The following KLHL3 variants were observed in gnomAD, a reference collection of about 807,000 sequenced individuals.
KLHL3 encodes kelch like family member 3.
KLHL3 carries 19 observed loss-of-function variants against 70.5 expected under a neutral mutation model. The observed-to-expected ratio is 0.27, with a 90% CI of 0.19 to 0.40. The LOEUF (loss-of-function observed/expected upper bound fraction) is 0.40. Among genes scored for constraint, KLHL3 ranks in the 10% least tolerant of loss-of-function variants. KLHL3 has a pLI of 1.00. For missense variants in KLHL3, 512 were observed against 771.1 expected, an observed-to-expected ratio of 0.66 and a Z score of 3.98; for synonymous variants, 258 against 290.3, an observed-to-expected ratio of 0.89 and a Z score of 1.13.
At chr5:137,717,049 C>T (rs1455573374) in intron 2 of KLHL3, among the ~76,000 whole-genome samples, 3 of 152,186 alleles carry the variant, frequency 2.0e-5, no homozygotes, top group Admixed American at 1.3e-4. Flanking sequence ...CAAGATCTGC[C>T]AGGGGCAGCA....
At chr5:137,646,046 T>C (rs1404156868) in intron 8 of KLHL3, among the ~76,000 whole-genome samples, 1 of 152,118 alleles carries the variant, frequency 6.6e-6, no homozygotes, top group Non-Finnish European at 1.5e-5. Context: ...TGACAAGGTG[T>C]TAATACCCAG....
intron 5 of KLHL3, among the ~76,000 whole-genome samples, chr5:137,688,521 G>C (rs1370141149): frequency 6.6e-6 from 1 of 152,210 alleles, no homozygotes; most frequent in African/African-American, 2.4e-5. Flanking sequence ...GGGATTTGGT[G>C]ACTACATTGC....
intron 4 of KLHL3, among the ~76,000 whole-genome samples, chr5:137,696,994 T>C (rs2149921121): frequency 6.6e-6 from 1 of 152,230 alleles, no homozygotes; most frequent in African/African-American, 2.4e-5. Context: ...TGACCCTTGT[T>C]TCTAAGGCTT....
At chr5:137,728,800 G>A (rs908646347) in intron 1 of KLHL3, among the ~76,000 whole-genome samples, 8 of 152,046 alleles carry the variant, frequency 5.3e-5, no homozygotes, top group Non-Finnish European at 8.8e-5. Flanking sequence ...ACACAAAGAA[G>A]GGAACAACAG....
chr5:137,640,067 G>T, intron 8 of KLHL3, 90 bp from the exon 9 acceptor site: 1 of 1,060,344 alleles, frequency 9.4e-7, no homozygotes, highest in Non-Finnish European at 1.5e-6. Flanking sequence ...ATCGCCCAGG[G>T]TGTGTGGATG....
chr5:137,721,825 G>T (rs1318022086), intron 1 of KLHL3, among the ~76,000 whole-genome samples: 1 of 152,196 alleles, frequency 6.6e-6, no homozygotes, highest in Non-Finnish European at 1.5e-5. Flanking sequence ...TCAAATCCCT[G>T]TGGGGTGCCA....
chr5:137,724,881 T>C (rs1229823746), intron 1 of KLHL3, among the ~76,000 whole-genome samples: 1 of 152,230 alleles, frequency 6.6e-6, no homozygotes, highest in Non-Finnish European at 1.5e-5. Context: ...GTGGTAGAGA[T>C]GGGATCTGAG....
intron 2 of KLHL3, among the ~76,000 whole-genome samples, chr5:137,714,183 A>G (rs1752851547): frequency 6.6e-6 from 1 of 152,138 alleles, no homozygotes; most frequent in Non-Finnish European, 1.5e-5. Flanking sequence ...AAAAGCACAA[A>G]CAATAAGAAG....
In KLHL3 at chr5:137,618,374, T is replaced by C. The variant is rs533663067; in HGVS notation, c.*3724A>G. The C allele has an allele frequency of 1.3e-5, 2 of 151,980 alleles. No individual in the cohort carries two copies. The highest frequency in any genetic ancestry group is 2.9e-5 in the Non-Finnish European group (2 of 67,966). 9.4% of individuals were successfully genotyped at this position (151,980 alleles called of 1,614,324 possible). A position where few individuals can be genotyped will look rare whatever the true frequency, so the allele number is the denominator to read the frequency against. On this transcript the variant is annotated 3_prime_UTR_variant, in exon 15 of 15. Transcript: ENST00000309755. ...TAAATTTTAAAAACCATGATGCAAATGGCAGATAAATACACAAAACAGAGC... is the reference window on the plus strand; with the variant it reads ...TAAATTTTAAAAACCATGATGCAAACGGCAGATAAATACACAAAACAGAGC...
In KLHL3 at chr5:137,621,900, A is replaced by G; in HGVS notation, c.*198T>C. The G allele has an allele frequency of 4.7e-6, 3 of 633,590 alleles. No homozygotes were observed. In the South Asian group the frequency reaches 5.7e-5, roughly 12 times the overall value. The allele number at this position is 633,590 out of a possible 1,614,324, so 39.2% of individuals were successfully genotyped here. On this transcript the variant is annotated 3_prime_UTR_variant, in exon 15 of 15. Transcript: ENST00000309755. ...CCCCCTTGCTCAGGGCATAGGCCAGAGCACCTCAGGGGAACGGGGGTGGGT... is the reference window on the plus strand; with the variant it reads ...CCCCCTTGCTCAGGGCATAGGCCAGGGCACCTCAGGGGAACGGGGGTGGGT...
At chr5:137,674,619 G>A (rs147891880) in intron 6 of KLHL3, among the ~76,000 whole-genome samples, 172 of 152,258 alleles carry the variant, frequency 1.1e-3, no homozygotes, top group African/African-American at 3.3e-3. Flanking sequence ...CATAATTGCC[G>A]TTATGCTGTT....
intron 1 of KLHL3, among the ~76,000 whole-genome samples, chr5:137,722,138 T>C (rs1753008561): frequency 6.6e-6 from 1 of 152,214 alleles, no homozygotes; most frequent in South Asian, 2.1e-4. Flanking sequence ...TGCTACCACT[T>C]AACTTTGCAA....
At chr5:137,677,681 TA>T (rs1751919463) in intron 5 of KLHL3, 27 bp from the exon 6 acceptor site, 2 of 1,372,682 alleles carry the variant, frequency 1.5e-6, no homozygotes, top group Non-Finnish European at 2.0e-6. Context: ...AAAAAGAAGT[TA>T]AGAAAACAAA....
At chr5:137,631,411 G>A (rs1231491466) in intron 12 of KLHL3, among the ~76,000 whole-genome samples, 1 of 151,208 alleles carries the variant, frequency 6.6e-6, no homozygotes. Context: ...TTCTTCACAT[G>A]TTGGGGAATA....
chr5:137,701,063 G>C (rs1176776088), intron 3 of KLHL3, among the ~76,000 whole-genome samples: 1 of 149,732 alleles, frequency 6.7e-6, no homozygotes, highest in South Asian at 2.1e-4. Context: ...ATGGAGTTTT[G>C]CTCTTGTTGC....
Position 137,692,444 on chromosome 5 carries a change from G to A in KLHL3, c.367C>T (p.Leu123=), listed in dbSNP as rs781207903. The A allele has an allele frequency of 6.2e-7, 1 of 1,613,974 alleles. No individual in the cohort carries two copies. The highest frequency in any genetic ancestry group is 8.5e-7 in the Non-Finnish European group (1 of 1,179,986). Residue 123 remains leucine, a synonymous_variant, in exon 5 of 15, where the codon CTG becomes TTG. Coordinates refer to ENST00000309755, the MANE Select transcript of KLHL3 (RefSeq NM_017415.3). ...TGCAGCAAGCTGGCTGCCGGGAGCA[G>A]CACCTGCAAGAGAAGGTGACATTCT... ...IEVTEENVQV[L]LPAASLLQLM... is the part of the protein sequence containing the mutation.
intron 3 of KLHL3, among the ~76,000 whole-genome samples, chr5:137,704,443 C>T (rs1050048039): frequency 3.9e-5 from 6 of 152,110 alleles, no homozygotes; most frequent in Non-Finnish European, 8.8e-5. Context: ...AAGCCCTTTC[C>T]AAGATACCAC....
rs1045906480 is a variant in KLHL3 at position 137,618,894 on chromosome 5, T to TAAAAAAAA, written c.*3196_*3203dup. ...CAGACTCCCTTGAATATGGTATTTT[T>TAAAAAAAA]AAAAAAAAAAAAAAGGCTCATCTAC... On this transcript the variant is annotated 3_prime_UTR_variant, in exon 15 of 15. Transcript: ENST00000309755. 3 of 146,246 alleles carry TAAAAAAAA rather than the reference T, an allele frequency of 2.1e-5. 1 individual carries two copies. Among genetic ancestry groups the TAAAAAAAA allele is most frequent in the Non-Finnish European group, 1.5e-5 (1 of 66,978 alleles). The allele number at this position is 146,246 out of a possible 1,614,324, so 9.1% of individuals were successfully genotyped here.
chr5:137,720,030 G>C (rs1004763532), intron 2 of KLHL3, among the ~76,000 whole-genome samples: 2 of 152,098 alleles, frequency 1.3e-5, no homozygotes, highest in Admixed American at 6.5e-5. Flanking sequence ...TGCCGGGCGC[G>C]GTGGCTCACG....
Sources: gnomAD v4.1 joint callset for allele counts (sites outside exome capture counted in the v4.1 genomes callset) on GRCh38, gnomAD v4.1.1 for gene constraint, MANE v1.5 for transcripts, NCBI Gene and HGNC (gene_info 2026-07-23, HGNC 2026-07-21) for gene names.